MTAP: variants seen among roughly 807,000 people sequenced by gnomAD.
MTAP encodes the protein methylthioadenosine phosphorylase.
In MTAP, 33 loss-of-function variants were observed where a neutral mutation model predicts 33.6. That is an observed-to-expected ratio of 0.98 (90% confidence interval 0.74 to 1.31). MTAP has a LOEUF of 1.31. Ranked by LOEUF, MTAP falls within the 40% of genes most tolerant of loss-of-function variation. The pLI, the probability that MTAP is intolerant of heterozygous loss-of-function variation, is 0.00. For missense variants in MTAP, 367 were observed against 360.0 expected (o/e 1.02, Z -0.16); for synonymous variants, 148 against 125.7 (o/e 1.18, Z -1.19).
At chr9:21,909,594 G>C (rs1818535228) in intron 1 of MTAP, among the ~76,000 whole-genome samples, 2 of 152,090 alleles carry the variant, frequency 1.3e-5, no homozygotes, top group African/African-American at 4.8e-5. Flanking sequence ...TGTTGTGTAA[G>C]AGGCATACTA....
At chr9:21,882,802 A>T (rs992612354) in intron 1 of MTAP, among the ~76,000 whole-genome samples, 2 of 152,066 alleles carry the variant, frequency 1.3e-5, no homozygotes, top group African/African-American at 4.8e-5. Flanking sequence ...TTAATGTTTA[A>T]TAGTAAAAAA....
rs1825769444 is a variant in MTAP at position 21,862,249 on chromosome 9, T to C, written c.*235T>C. Reference sequence around the variant, plus strand: ...CTAGTAAACATGTGGGAAAAAATATTACATTTTAAGGGGGAAAAAAAAACC... The same window carrying C: ...CTAGTAAACATGTGGGAAAAAATATCACATTTTAAGGGGGAAAAAAAAACC... On this transcript the variant is annotated 3_prime_UTR_variant, in exon 8 of 8. Coordinates refer to ENST00000644715, the MANE Select transcript of MTAP (RefSeq NM_002451.4). 1.8e-6 allele frequency: 2 copies of C among 1,094,456 alleles called. No individual in the cohort carries two copies. Among genetic ancestry groups the C allele is most frequent in the Non-Finnish European group, 2.4e-6 (2 of 849,870 alleles). 67.8% of individuals were successfully genotyped at this position (1,094,456 alleles called of 1,614,324 possible).
chr9:21,898,028 A>T (rs1426409129), intron 1 of MTAP, among the ~76,000 whole-genome samples: 1 of 152,224 alleles, frequency 6.6e-6, no homozygotes, highest in Non-Finnish European at 1.5e-5. Context: ...TGGTACCAAA[A>T]CAGAGATATA....
intron 7 of MTAP, 106 bp downstream of exon 7, chr9:21,859,531 A>T (rs1825711015): frequency 7.5e-7 from 1 of 1,334,558 alleles, no homozygotes; most frequent in Non-Finnish European, 9.9e-7. Flanking sequence ...GCCAGCCTAG[A>T]TGTTTTCAAC....
downstream of MTAP, chr9:21,935,757 CT>C (rs1819032072): frequency 6.6e-6 from 1 of 152,124 alleles, no homozygotes; most frequent in South Asian, 2.1e-4. Context: ...TTTAGTTAGT[CT>C]CATCCCACAT....
chr9:21,906,997 A>G (rs1174118516), intron 1 of MTAP, among the ~76,000 whole-genome samples: 1 of 152,226 alleles, frequency 6.6e-6, no homozygotes, highest in Non-Finnish European at 1.5e-5. Flanking sequence ...ACTGTATGTC[A>G]TAGTTATTTT....
chr9:21,906,152 A>G lies in MTAP; in HGVS notation c.148-24856A>G, dbSNP rs375955248. Among the ~76,000 whole-genome samples the G allele has an allele frequency of 1.2e-4, 19 of 152,348 alleles. 1 individual carries two copies. In the East Asian group the frequency reaches 3.1e-3, roughly 25 times the overall value. ...TCTTAAAATGAACTTGTCTTCCAAA[A>G]TACAAAACTCAAGAAGGAACAATCT... On this transcript the variant is annotated intron_variant, in intron 1 of 1. Coordinates refer to the MTAP transcript ENST00000577563.
rs78374179 is a variant in MTAP, at chr9:21,922,734, A to G, written c.148-8274A>G. On this transcript the variant is annotated intron_variant, in intron 1 of 1. Coordinates refer to the MTAP transcript ENST00000577563. The surrounding 1 kb of genome is among the most constrained non-coding windows in gnomAD (Gnocchi z 4.8). Reference sequence around the variant, plus strand: ...TCCTGCCTTCCAACCAATTCCCAGAACTATTACTCTCAGCCACAGTGGCTC... The same window carrying G: ...TCCTGCCTTCCAACCAATTCCCAGAGCTATTACTCTCAGCCACAGTGGCTC... Among the ~76,000 whole-genome samples, 4 of 151,956 alleles carry G rather than the reference A, an allele frequency of 2.6e-5. No individual in the cohort carries two copies. Among genetic ancestry groups the G allele is most frequent in the African/African-American group, 9.7e-5 (4 of 41,352 alleles).
At chr9:21,834,321 G>GATAA (rs1318271636) in intron 4 of MTAP, among the ~76,000 whole-genome samples, 2 of 152,198 alleles carry the variant, frequency 1.3e-5, no homozygotes, top group African/African-American at 4.8e-5. Context: ...AAAGCCAGTA[G>GATAA]ATAAGCCAGT....
intron 1 of MTAP, among the ~76,000 whole-genome samples, chr9:21,880,411 C>T (rs1024259945): frequency 6.6e-6 from 1 of 152,056 alleles, no homozygotes; most frequent in East Asian, 1.9e-4. Flanking sequence ...AACAATTAGG[C>T]AGGAAAAAGA....
At chr9:21,912,795 G>A (rs1317751665) in intron 1 of MTAP, among the ~76,000 whole-genome samples, 12 of 152,152 alleles carry the variant, frequency 7.9e-5, no homozygotes, top group South Asian at 4.1e-4. Context: ...CAATCAGGCA[G>A]GAGAAAGATA....
intron 5 of MTAP, among the ~76,000 whole-genome samples, chr9:21,839,349 G>C (rs1253402483): frequency 6.6e-6 from 1 of 152,140 alleles, no homozygotes; most frequent in Non-Finnish European, 1.5e-5. Context: ...TAAAATTCTT[G>C]TCCACTTCAA....
intron 1 of MTAP, among the ~76,000 whole-genome samples, chr9:21,897,417 A>G (rs1016425840): frequency 4.3e-4 from 66 of 152,366 alleles, no homozygotes; most frequent in Middle Eastern, 3.4e-3. Context: ...AGGGTATCCA[A>G]TGAGGAAAAG....
At position 21,865,084 on chromosome 9, in the gene MTAP, G is replaced by A. The variant is rs371786906; in HGVS notation, c.*3070G>A. Reference sequence around the variant, plus strand: ...CAGAGTCCCTCCTTGATAAGGTTTGGCGGTGTCCCCACCCAAATCTCATGT... The same window carrying A: ...CAGAGTCCCTCCTTGATAAGGTTTGACGGTGTCCCCACCCAAATCTCATGT... On this transcript the variant is annotated 3_prime_UTR_variant, in exon 8 of 8. Coordinates refer to ENST00000644715, the MANE Select transcript of MTAP (RefSeq NM_002451.4). The A allele has an allele frequency of 1.0e-5, 10 of 985,392 alleles. No homozygotes were observed. In the East Asian group the frequency reaches 8.0e-4, roughly 78 times the overall value. The allele number at this position is 985,392 out of a possible 1,614,324, so 61.0% of individuals were successfully genotyped here.
chr9:21,889,715 A>G (rs1013651309), intron 1 of MTAP, among the ~76,000 whole-genome samples: 1 of 152,004 alleles, frequency 6.6e-6, no homozygotes, highest in Non-Finnish European at 1.5e-5. Flanking sequence ...GGTACCGAGG[A>G]GTGTCTGCAA....
At chr9:21,930,213 T>A (rs1449775044) in intron 1 of MTAP, 3 of 280,820 alleles carry the variant, frequency 1.1e-5, no homozygotes, top group Non-Finnish European at 2.1e-5. Context: ...CCAAACCCCA[T>A]GTACCCAAGT....
chr9:21,837,770 T>G, intron 4 of MTAP, 138 bp from the exon 5 acceptor site: 1 of 684,752 alleles, frequency 1.5e-6, no homozygotes, highest in Admixed American at 2.7e-5. Flanking sequence ...ACAATTGTCT[T>G]TAGCTTATCC....
Position 21,922,281 on chromosome 9 carries a change from A to G in MTAP, c.148-8727A>G, listed in dbSNP as rs1818799256. On this transcript the variant is annotated intron_variant, in intron 1 of 1. Transcript: ENST00000577563. The surrounding 1 kb of genome is among the most constrained non-coding windows in gnomAD (Gnocchi z 4.8). ...CACAAGTGCTGGCAGGCCACTGTGC[A>G]TGTGGATGGCCCACCCCAAGGAAAA... Among the ~76,000 whole-genome samples, 1 of 152,012 alleles carries G rather than the reference A, an allele frequency of 6.6e-6. No individual in the cohort carries two copies. Among genetic ancestry groups the G allele is most frequent in the South Asian group, 2.1e-4 (1 of 4,794 alleles).
intron 5 of MTAP, among the ~76,000 whole-genome samples, chr9:21,846,971 C>G (rs1405659292): frequency 6.6e-6 from 1 of 152,064 alleles, no homozygotes; most frequent in African/African-American, 2.4e-5. Context: ...AGGGTGTTGC[C>G]AAAGGAGATT....
Sources: gnomAD v4.1 joint callset for allele counts (sites outside exome capture counted in the v4.1 genomes callset) on GRCh38, gnomAD v4.1.1 for gene constraint, Gnocchi (gnomAD v3.1) non-coding constraint, MANE v1.5 for transcripts, NCBI Gene and HGNC (gene_info 2026-07-23, HGNC 2026-07-21) for gene names.